The following SLC16A4 variants were observed in gnomAD, a reference collection of about 807,000 sequenced individuals.
SLC16A4 encodes probable monocarboxylate transporter 5.
In SLC16A4, 39 loss-of-function variants were observed where a neutral mutation model predicts 47.9. The observed-to-expected ratio is 0.81, with a 90% CI of 0.63 to 1.06. The LOEUF (loss-of-function observed/expected upper bound fraction) is 1.06. Among genes scored for constraint, SLC16A4 ranks in the 50% least tolerant of loss-of-function variants. The pLI, the probability that SLC16A4 is intolerant of heterozygous loss-of-function variation, is 0.00. For missense variants in SLC16A4, 524 were observed against 573.8 expected (o/e 0.91, Z 0.89); for synonymous variants, 189 against 199.9 (o/e 0.95, Z 0.46).
At chr1:110,384,600 C>G (rs759991696) in intron 2 of SLC16A4, among the ~76,000 whole-genome samples, 3 of 152,174 alleles carry the variant, frequency 2.0e-5, no homozygotes, top group Non-Finnish European at 4.4e-5. Flanking sequence ...AGAGGGGAAC[C>G]TAGCCAGGGT....
At chr1:110,390,766 G>C (rs1294444092) in intron 1 of SLC16A4, 99 bp downstream of exon 1, 1 of 152,242 alleles carries the variant, frequency 6.6e-6, no homozygotes, top group Non-Finnish European at 1.5e-5. Flanking sequence ...TCAGCTGGCA[G>C]GGTATGCGGA....
intron 5 of SLC16A4, among the ~76,000 whole-genome samples, chr1:110,380,560 GGGA>G (rs1662315655): frequency 6.7e-6 from 1 of 150,092 alleles, no homozygotes; most frequent in Non-Finnish European, 1.5e-5. Flanking sequence ...AGTCCGATGG[GGGA>G]GGAGTTTTTT....
intron 5 of SLC16A4, among the ~76,000 whole-genome samples, chr1:110,380,074 G>A (rs989729963): frequency 4.0e-4 from 30 of 75,422 alleles, no homozygotes; most frequent in East Asian, 9.1e-4. Flanking sequence ...AAAAAAAAAA[G>A]CAGCGGGAGG....
At chr1:110,379,544 A>G (rs555611569) in intron 5 of SLC16A4, among the ~76,000 whole-genome samples, 188 bp from the exon 6 acceptor site, 1 of 152,250 alleles carries the variant, frequency 6.6e-6, no homozygotes, top group South Asian at 2.1e-4. Context: ...CTTTGGAGAT[A>G]GAAAACCAGA....
intron 8 of SLC16A4, among the ~76,000 whole-genome samples, chr1:110,373,782 C>T (rs1228576315): frequency 1.3e-5 from 2 of 151,280 alleles, no homozygotes; most frequent in African/African-American, 2.4e-5. Flanking sequence ...TCAAGCAATC[C>T]TCCTGCCTCA....
chr1:110,376,245 C>T (rs1233487261), intron 7 of SLC16A4, among the ~76,000 whole-genome samples: 1 of 152,146 alleles, frequency 6.6e-6, no homozygotes, highest in Non-Finnish European at 1.5e-5. Flanking sequence ...TCAGATATCA[C>T]AAGGAGTTAA....
chr1:110,385,377 G>A (rs933786518), intron 2 of SLC16A4, among the ~76,000 whole-genome samples: 1 of 152,230 alleles, frequency 6.6e-6, no homozygotes, highest in Non-Finnish European at 1.5e-5. Context: ...TTCTGATAAA[G>A]TACTTAATAT....
intron 6 of SLC16A4, 79 bp from the exon 7 acceptor site, chr1:110,377,240 A>C: frequency 8.6e-7 from 1 of 1,169,512 alleles, no homozygotes; most frequent in Non-Finnish European, 1.2e-6. Flanking sequence ...TTCCCAAGTA[A>C]TATGATCTCA....
intron 8 of SLC16A4, among the ~76,000 whole-genome samples, chr1:110,366,825 T>C (rs970457012): frequency 1.3e-5 from 2 of 152,236 alleles, no homozygotes; most frequent in East Asian, 3.8e-4. Flanking sequence ...TAGAATTATT[T>C]CTATGTATTT....
chr1:110,380,910 C>T, intron 5 of SLC16A4, 72 bp downstream of exon 5: 1 of 1,365,564 alleles, frequency 7.3e-7, no homozygotes, highest in South Asian at 1.2e-5. Flanking sequence ...TCTTAACTTC[C>T]ATTTCTCAAA....
intron 8 of SLC16A4, among the ~76,000 whole-genome samples, chr1:110,364,516 T>A (rs900321161): frequency 6.7e-6 from 1 of 149,468 alleles, no homozygotes; most frequent in African/African-American, 2.5e-5. Flanking sequence ...TTTTTTTTTT[T>A]TTTTGAGACA....
chr1:110,380,308 A>G (rs1240923222), intron 5 of SLC16A4, among the ~76,000 whole-genome samples: 2 of 152,154 alleles, frequency 1.3e-5, no homozygotes, highest in Non-Finnish European at 1.5e-5. Flanking sequence ...ACTACTGAAT[A>G]GTTAGGAAAG....
Position 110,379,199 on chromosome 1 carries a change from G to A in SLC16A4, c.684C>T (p.His228=). 4 of 1,614,190 alleles carry A rather than the reference G, an allele frequency of 2.5e-6. No homozygotes were observed. The South Asian group carries it at 4.4e-5, about 18-fold the overall frequency. Residue 228 remains histidine, a synonymous_variant, in exon 6 of 9, where the codon CAC becomes CAT. Transcript: ENST00000369779. The stretch of plus-strand genomic sequence containing the variant: ...TGGTAGACTCTTCTGTCTCATGGCA[G>A]TGTGTTTCTGTTGCATGTGCCTCTG... ...HGPEAHATET[H]CHETEESTIK...
chr1:110,388,153 CACTT>C (rs1190390070), intron 2 of SLC16A4, among the ~76,000 whole-genome samples: 1 of 151,906 alleles, frequency 6.6e-6, no homozygotes, highest in East Asian at 1.9e-4. Context: ...ACTCTGGAAA[CACTT>C]AAGAATTGTG....
At chr1:110,385,259 A>G (rs2101068187) in intron 2 of SLC16A4, among the ~76,000 whole-genome samples, 1 of 151,412 alleles carries the variant, frequency 6.6e-6, no homozygotes, top group South Asian at 2.1e-4. Flanking sequence ...TTGGGCAAAC[A>G]ACTTCGCACG....
chr1:110,387,513 A>T (rs1482318673), intron 2 of SLC16A4, among the ~76,000 whole-genome samples: 1 of 152,220 alleles, frequency 6.6e-6, no homozygotes, highest in Non-Finnish European at 1.5e-5. Flanking sequence ...ATTTATTGTT[A>T]ACATTTTGAG....
Position 110,382,865 on chromosome 1 carries a change from T to A in SLC16A4, c.189A>T (p.Gly63=). Residue 63 remains glycine (G), a synonymous_variant, in exon 3 of 9, where the codon GGA becomes GGT. Transcript: ENST00000369779. ...EGTSEQIGWI[G]SIMSSLRFCA... ...AAAAACGAAGAGATGACATGATGGA[T>A]CCAATCCAACCAATTTGCTCTGAGG... The A allele has an allele frequency of 1.2e-6, 2 of 1,611,052 alleles. No homozygotes were observed. Among genetic ancestry groups the A allele is most frequent in the Non-Finnish European group, 1.7e-6 (2 of 1,178,042 alleles).
chr1:110,374,537 C>T (rs1268164948), intron 8 of SLC16A4, among the ~76,000 whole-genome samples: 1 of 152,094 alleles, frequency 6.6e-6, no homozygotes, highest in South Asian at 2.1e-4. Flanking sequence ...ACATTGAGAA[C>T]CTGTGGTGTG....
Position 110,379,353 on chromosome 1 carries a change from G to A in SLC16A4, c.530C>T (p.Ala177Val). The A allele has an allele frequency of 6.3e-7, 1 of 1,593,792 alleles. No homozygotes were observed. Among genetic ancestry groups the A allele is most frequent in the Non-Finnish European group, 8.6e-7 (1 of 1,166,494 alleles). Residue 177 changes from alanine to valine, a missense_variant, in exon 6 of 9, where the codon GCC (alanine) becomes GTC (valine). By Grantham distance (64) the Ala-to-Val change is moderately conservative. Coordinates refer to ENST00000369779, the MANE Select transcript of SLC16A4 (RefSeq NM_004696.3). ...FLIDLYDWTG[A>V]LILFGAIALN... Reference sequence around the variant, plus strand: ...TGCGATAGCTCCAAATAATATAAGGGCTCCTAAATAGGGAGAGATTGAGCA... The same window carrying A: ...TGCGATAGCTCCAAATAATATAAGGACTCCTAAATAGGGAGAGATTGAGCA...
Sources: allele counts gnomAD v4.1 joint callset (sites outside exome capture counted in the v4.1 genomes callset), GRCh38; gene constraint gnomAD v4.1.1; transcripts MANE v1.5; gene names NCBI Gene and HGNC (gene_info 2026-07-23, HGNC 2026-07-21).